The following OLFM2 variants were observed in gnomAD, a reference collection of about 807,000 sequenced individuals.
The protein encoded by OLFM2 is noelin-2.
OLFM2 carries 20 observed loss-of-function variants against 43.9 expected under a neutral mutation model. That is an observed-to-expected ratio of 0.46 (90% CI 0.32 to 0.66). The LOEUF is 0.66. Among genes scored for constraint, OLFM2 ranks in the 30% least tolerant of loss-of-function variants. The probability of loss-of-function intolerance (pLI) is 0.04; values close to 1 mark genes in which losing one functional copy is unlikely to be tolerated. For missense variants in OLFM2, 416 were observed against 643.6 expected, an observed-to-expected ratio of 0.65 and a Z score of 3.83; for synonymous variants, 268 against 278.6, an observed-to-expected ratio of 0.96 and a Z score of 0.38.
intron 1 of OLFM2, among the ~76,000 whole-genome samples, chr19:9,885,923 C>A (rs1279936757): frequency 6.6e-6 from 1 of 151,904 alleles, no homozygotes; most frequent in East Asian, 1.9e-4. Context: ...ACAGCAAGAC[C>A]CTGTCTCTAC....
intron 1 of OLFM2, chr19:9,913,726 G>T (rs1438093035): frequency 3.7e-5 from 38 of 1,036,816 alleles, no homozygotes; most frequent in Non-Finnish European, 4.3e-5. Flanking sequence ...GCGTGGGGGA[G>T]GGGGCACGAG....
chr19:9,863,031 G>A (rs1379763219), intron 1 of OLFM2, among the ~76,000 whole-genome samples: 11 of 151,958 alleles, frequency 7.2e-5, no homozygotes, highest in Non-Finnish European at 1.3e-4. Flanking sequence ...GGGTTGTGGG[G>A]TGACTGGCTT....
intron 1 of OLFM2, 108 bp downstream of exon 1, chr19:9,936,196 A>T: frequency 2.6e-6 from 3 of 1,163,944 alleles, no homozygotes; most frequent in Non-Finnish European, 3.5e-6. Context: ...GCCGCCCTGC[A>T]GCTGGGGGGG....
intron 1 of OLFM2, among the ~76,000 whole-genome samples, chr19:9,888,798 G>A (rs1390493142): frequency 2.6e-5 from 4 of 152,144 alleles, no homozygotes; most frequent in African/African-American, 9.7e-5. Flanking sequence ...CGGGCACGGT[G>A]GCTCACGCCT....
At chr19:9,932,738 T>G (rs367829779) in intron 1 of OLFM2, among the ~76,000 whole-genome samples, 12 of 152,228 alleles carry the variant, frequency 7.9e-5, no homozygotes, top group Admixed American at 2.6e-4. Flanking sequence ...CAAACCCAGA[T>G]AGTGCCAACG....
intron 1 of OLFM2, among the ~76,000 whole-genome samples, chr19:9,912,889 C>G (rs2046838735): frequency 6.6e-6 from 1 of 151,566 alleles, no homozygotes; most frequent in East Asian, 1.9e-4. Flanking sequence ...GATACAAATT[C>G]TCAGCGCCAC....
chr19:9,926,538 C>T (rs549130717), intron 1 of OLFM2, among the ~76,000 whole-genome samples: 7 of 151,848 alleles, frequency 4.6e-5, no homozygotes, highest in South Asian at 2.1e-4. Flanking sequence ...GGACAGAGAG[C>T]GAGACTCCAT....
At chr19:9,919,955 C>T (rs990392702) in intron 1 of OLFM2, among the ~76,000 whole-genome samples, 5 of 150,322 alleles carry the variant, frequency 3.3e-5, no homozygotes, top group Non-Finnish European at 7.4e-5. Flanking sequence ...CCACCATGCT[C>T]AGCTAATTTT....
At chr19:9,915,538 G>T (rs2144997166) in intron 1 of OLFM2, among the ~76,000 whole-genome samples, 1 of 121,844 alleles carries the variant, frequency 8.2e-6, no homozygotes, top group South Asian at 2.6e-4. Flanking sequence ...ATTTATTTGA[G>T]ACGGAGTCTT....
chr19:9,883,448 G>A lies in OLFM2; in HGVS notation c.64-22654C>T, dbSNP rs12986253. Among the ~76,000 whole-genome samples, 160 of 151,894 alleles carry A rather than the reference G, an allele frequency of 1.1e-3. 8 individuals carry two copies. In the East Asian group the frequency reaches 0.03, roughly 29 times the overall value. ...GGTAGTGGCGGCCACCTGGGTCACCGGAGACCTTTGTTAGCGAGAATGGGC... is the reference window on the plus strand; with the variant it reads ...GGTAGTGGCGGCCACCTGGGTCACCAGAGACCTTTGTTAGCGAGAATGGGC... On this transcript the variant is annotated intron_variant, in intron 1 of 5. Transcript: ENST00000264833.
intron 1 of OLFM2, among the ~76,000 whole-genome samples, chr19:9,896,099 T>A (rs924497565): frequency 7.1e-6 from 1 of 141,220 alleles, no homozygotes; most frequent in African/African-American, 2.6e-5. Context: ...TAATTTTTTT[T>A]TTTTTTTTTT....
At chr19:9,915,227 T>A (rs953081053) in intron 1 of OLFM2, among the ~76,000 whole-genome samples, 2 of 130,810 alleles carry the variant, frequency 1.5e-5, no homozygotes, top group Non-Finnish European at 3.3e-5. Flanking sequence ...ATATTCTTTT[T>A]CTTTTCTCTC....
chr19:9,907,327 C>T (rs2046793748), intron 1 of OLFM2, among the ~76,000 whole-genome samples: 1 of 152,062 alleles, frequency 6.6e-6, no homozygotes, highest in African/African-American at 2.4e-5. Context: ...GGGTGGCGCA[C>T]ACCTGTAGTC....
In OLFM2 at chr19:9,864,085, C is replaced by A. The variant is rs545629071; in HGVS notation, c.64-3291G>T. ...GCTTTCTCTGGTGGTCATATCCCAC[C>A]CTGCCCTTGCATGGGGCCAGCAGAA... On this transcript the variant is annotated intron_variant, in intron 1 of 5. Coordinates refer to ENST00000264833, the MANE Select transcript of OLFM2 (RefSeq NM_058164.4). Among the ~76,000 whole-genome samples the A allele has an allele frequency of 9.8e-5, 15 of 152,314 alleles. No homozygotes were observed. The South Asian group carries it at 3.1e-3, about 32-fold the overall frequency.
chr19:9,881,403 A>G (rs2046538986), intron 1 of OLFM2, among the ~76,000 whole-genome samples: 1 of 152,166 alleles, frequency 6.6e-6, no homozygotes, highest in African/African-American at 2.4e-5. Flanking sequence ...AGATGGACTC[A>G]AGGGTAGGAA....
chr19:9,893,807 T>C (rs896895554), intron 1 of OLFM2, among the ~76,000 whole-genome samples: 2 of 152,182 alleles, frequency 1.3e-5, no homozygotes, highest in East Asian at 3.8e-4. Context: ...GCAGGTCTAT[T>C]TCAAGGATTA....
intron 1 of OLFM2, among the ~76,000 whole-genome samples, chr19:9,890,296 T>C (rs1474654740): frequency 2.6e-5 from 4 of 152,114 alleles, no homozygotes; most frequent in Non-Finnish European, 5.9e-5. Flanking sequence ...AGAAACTCAT[T>C]ACCCCTGGGA....
intron 1 of OLFM2, among the ~76,000 whole-genome samples, chr19:9,928,203 C>T (rs1426243922): frequency 1.3e-5 from 2 of 148,978 alleles, no homozygotes; most frequent in Non-Finnish European, 3.0e-5. Context: ...AGAGCAAGAC[C>T]CTGCGTCTTA....
At chr19:9,897,327 CAAAAAAA>C (rs1160281673) in intron 1 of OLFM2, among the ~76,000 whole-genome samples, 3 of 93,392 alleles carry the variant, frequency 3.2e-5, no homozygotes, top group Admixed American at 1.3e-4. Context: ...GACTTCGTCT[CAAAAAAA>C]AAAAAAAAAA....
Sources: gnomAD v4.1 joint callset for allele counts (sites outside exome capture counted in the v4.1 genomes callset) on GRCh38, gnomAD v4.1.1 for gene constraint, MANE v1.5 for transcripts, NCBI Gene and HGNC (gene_info 2026-07-23, HGNC 2026-07-21) for gene names.